TMEM217B: variants seen among roughly 807,000 people sequenced by gnomAD.
The protein encoded by TMEM217B is transmembrane protein 217B.
chr6:37,252,651 T>C, the TMEM217B span, among the ~76,000 whole-genome samples: 2 of 124,372 alleles, frequency 1.6e-5, no homozygotes, highest in Admixed American at 1.6e-4. Context: ...TTTTTTTTTT[T>C]TTTTTTTTGA....
chr6:37,239,288 A>G, the TMEM217B span, among the ~76,000 whole-genome samples: 1 of 152,098 alleles, frequency 6.6e-6, no homozygotes, highest in Non-Finnish European at 1.5e-5. Context: ...CAGGAGTTTG[A>G]GACTAGCCTG....
the TMEM217B span, among the ~76,000 whole-genome samples, chr6:37,256,824 C>G: frequency 6.6e-6 from 1 of 152,174 alleles, no homozygotes; most frequent in Non-Finnish European, 1.5e-5. Flanking sequence ...TGGTGCCCGC[C>G]TTCCCTCTTT....
the TMEM217B span, among the ~76,000 whole-genome samples, chr6:37,226,211 C>T: frequency 6.6e-6 from 1 of 151,710 alleles, no homozygotes; most frequent in African/African-American, 2.4e-5. Flanking sequence ...AGAGATATCT[C>T]CCCTTTATCT....
the TMEM217B span, among the ~76,000 whole-genome samples, chr6:37,245,257 G>A: frequency 6.6e-6 from 1 of 152,158 alleles, no homozygotes; most frequent in Admixed American, 6.5e-5. Flanking sequence ...CACAGAGCTG[G>A]GTCACTGAAG....
chr6:37,233,738 A>G, the TMEM217B span, among the ~76,000 whole-genome samples: 1 of 152,174 alleles, frequency 6.6e-6, no homozygotes, highest in South Asian at 2.1e-4. Flanking sequence ...AATTAACCAT[A>G]CAGATGGTCC....
the TMEM217B span, chr6:37,218,618 A>G: frequency 3.2e-3 from 5,093 of 1,614,234 alleles, 14 homozygotes; most frequent in Non-Finnish European, 3.6e-3. Context: ...GAAACAGTGC[A>G]TGACTGTACG....
the TMEM217B span, among the ~76,000 whole-genome samples, chr6:37,226,196 C>T: frequency 6.6e-6 from 1 of 151,470 alleles, no homozygotes; most frequent in African/African-American, 2.4e-5. Context: ...ACCATCTCCT[C>T]ATAAAGAGAT....
the TMEM217B span, among the ~76,000 whole-genome samples, chr6:37,246,208 C>T: frequency 1.3e-5 from 2 of 152,136 alleles, no homozygotes; most frequent in African/African-American, 4.8e-5. Flanking sequence ...TCAGCTTTTG[C>T]CACAACAATG....
chr6:37,216,809 T>C, the TMEM217B span, among the ~76,000 whole-genome samples: 7,017 of 152,242 alleles, frequency 0.046, 551 homozygotes, highest in African/African-American at 0.16. Context: ...AGTGACCTTA[T>C]AAAGGGACAG....
the TMEM217B span, among the ~76,000 whole-genome samples, chr6:37,230,702 T>C: frequency 6.6e-6 from 1 of 152,124 alleles, no homozygotes; most frequent in South Asian, 2.1e-4. Flanking sequence ...AATTAATTTC[T>C]GTTGTTTAAG....
chr6:37,246,159 TTTCTC>T, the TMEM217B span, among the ~76,000 whole-genome samples: 11 of 152,320 alleles, frequency 7.2e-5, no homozygotes, highest in East Asian at 1.9e-3. Context: ...TTGGCTCACT[TTTCTC>T]TTCTACTTCT....
At chr6:37,255,417 CCCA>C in the TMEM217B span, among the ~76,000 whole-genome samples, 1 of 152,016 alleles carries the variant, frequency 6.6e-6, no homozygotes, top group Non-Finnish European at 1.5e-5. Context: ...TGCGATGGCT[CCCA>C]CCTGTAATAC....
chr6:37,220,785 G>C, the TMEM217B span, among the ~76,000 whole-genome samples: 1 of 152,026 alleles, frequency 6.6e-6, no homozygotes, highest in Non-Finnish European at 1.5e-5. Context: ...AGCACATAAG[G>C]AACAAGGCAC....
the TMEM217B span, among the ~76,000 whole-genome samples, chr6:37,250,617 C>T: frequency 3.0e-4 from 45 of 152,358 alleles, no homozygotes; most frequent in Non-Finnish European, 5.1e-4. Flanking sequence ...TAAAGCAGTG[C>T]TTTTCAAACA....
the TMEM217B span, chr6:37,257,587 G>C: frequency 2.6e-6 from 1 of 387,368 alleles, no homozygotes; most frequent in Non-Finnish European, 4.7e-6. Context: ...CCCTCTCGCG[G>C]GTAGGAACTT....
At chr6:37,237,598 G>T in the TMEM217B span, among the ~76,000 whole-genome samples, 49 of 152,238 alleles carry the variant, frequency 3.2e-4, no homozygotes, top group African/African-American at 1.1e-3. Context: ...AACCAGAAAA[G>T]AGAAAATCAA....
chr6:37,242,530 C>G, the TMEM217B span, among the ~76,000 whole-genome samples: 1 of 152,184 alleles, frequency 6.6e-6, no homozygotes, highest in Non-Finnish European at 1.5e-5. Flanking sequence ...AAAAGCCTGT[C>G]ATGCTTTGGT....
At chr6:37,225,611 G>A in the TMEM217B span, among the ~76,000 whole-genome samples, 5 of 152,266 alleles carry the variant, frequency 3.3e-5, no homozygotes, top group South Asian at 2.1e-4. Flanking sequence ...GATAGCAAAC[G>A]TCCTCTTTGT....
At chr6:37,215,228 G>C in the TMEM217B span, 2 of 1,613,856 alleles carry the variant, frequency 1.2e-6, no homozygotes, top group Non-Finnish European at 8.5e-7. Context: ...ATCTACAGGT[G>C]CTGGGGGCTG....
Sources: gnomAD v4.1 joint callset for allele counts (sites outside exome capture counted in the v4.1 genomes callset) on GRCh38, gnomAD v4.1.1 for gene constraint, MANE v1.5 for transcripts, NCBI Gene and HGNC (gene_info 2026-07-23, HGNC 2026-07-21) for gene names.